The following DPH6 variants were observed in gnomAD, a reference collection of about 807,000 sequenced individuals.
DPH6 encodes diphthamine biosynthesis 6, also known as diphthine--ammonia ligase.
A neutral mutation model predicts 38.2 loss-of-function variants in DPH6; 33 were observed. The observed-to-expected ratio is 0.86, with a 90% CI of 0.65 to 1.15. The LOEUF is 1.15. Ranked by LOEUF, DPH6 falls within the 50% of genes most tolerant of loss-of-function variation. DPH6 has a pLI of 0.00. For synonymous variants in DPH6, 108 were observed against 103.0 expected, an observed-to-expected ratio of 1.05 and a Z score of -0.30; for missense variants, 325 against 320.0, an observed-to-expected ratio of 1.02 and a Z score of -0.12.
At chr15:35,247,128 T>C (rs952995692) in intron 3 of DPH6, among the ~76,000 whole-genome samples, 4 of 152,200 alleles carry the variant, frequency 2.6e-5, no homozygotes, top group Admixed American at 6.5e-5. Context: ...TCAAGGTAAA[T>C]TGAACCTCCT....
the DPH6 span, among the ~76,000 whole-genome samples, chr15:35,209,408 A>C: frequency 3.3e-5 from 5 of 152,300 alleles, no homozygotes; most frequent in South Asian, 1.0e-3. Context: ...ACTACTTTTG[A>C]TACCTGTGGG....
At chr15:35,532,380 T>C (rs1226512588) in intron 3 of DPH6, among the ~76,000 whole-genome samples, 40 of 152,274 alleles carry the variant, frequency 2.6e-4, no homozygotes, top group Non-Finnish European at 1.5e-5. Flanking sequence ...ATAGTACAGA[T>C]GAAAAACCAG....
Position 35,354,752 on chromosome 15 carries a change from T to G in DPH6, n.207+18769A>C, listed in dbSNP as rs551261705. 1.2e-4 allele frequency among the ~76,000 whole-genome samples: 19 copies of G among 152,184 alleles called. No homozygotes were observed. In the East Asian group the frequency reaches 2.1e-3, roughly 17 times the overall value. ...TTGGTCTAAAATTCTCTTTTTTTTG[T>G]TGTGTCTCTGCAGGCTTTGCTATCA... On this transcript the variant is annotated intron_variant and non_coding_transcript_variant, in intron 3 of 3. Transcript: ENST00000558973.
chr15:35,357,477 G>T (rs982336761), intron 3 of DPH6, among the ~76,000 whole-genome samples: 1 of 152,114 alleles, frequency 6.6e-6, no homozygotes, highest in South Asian at 2.1e-4. Flanking sequence ...TTGTTTATAG[G>T]TTCTGTGTGA....
At chr15:35,379,754 A>G (rs1210194188) in intron 7 of DPH6, among the ~76,000 whole-genome samples, 1 of 152,188 alleles carries the variant, frequency 6.6e-6, no homozygotes, top group East Asian at 1.9e-4. Context: ...AAATAAATAC[A>G]TAAAAGTATG....
intron 3 of DPH6, among the ~76,000 whole-genome samples, chr15:35,497,285 AAATT>A (rs1203929418): frequency 4.6e-5 from 7 of 152,210 alleles, no homozygotes; most frequent in African/African-American, 1.7e-4. Context: ...TTTGTTAAAT[AAATT>A]AATATGAGAA....
At chr15:35,186,467 C>T in the DPH6 span, among the ~76,000 whole-genome samples, 2,211 of 152,252 alleles carry the variant, frequency 0.015, 38 homozygotes, top group African/African-American at 0.044. Context: ...TAACTCATTT[C>T]CACATAAGTA....
intron 4 of DPH6, among the ~76,000 whole-genome samples, chr15:35,451,063 A>G (rs754309547): frequency 2.0e-5 from 3 of 152,180 alleles, no homozygotes; most frequent in Non-Finnish European, 4.4e-5. Flanking sequence ...TAGTTTAGAA[A>G]TCTATGTAAA....
chr15:35,187,211 A>G, the DPH6 span, among the ~76,000 whole-genome samples: 3 of 152,210 alleles, frequency 2.0e-5, no homozygotes, highest in Non-Finnish European at 4.4e-5. Flanking sequence ...ATCACATTGA[A>G]TCATCATGAC....
chr15:35,367,025 T>C (rs1286889158), downstream of DPH6, among the ~76,000 whole-genome samples: 23 of 151,824 alleles, frequency 1.5e-4, no homozygotes, highest in Admixed American at 1.5e-3. Context: ...ATGATATATC[T>C]CAAATAAAGC....
Position 35,218,125 on chromosome 15 carries a change from T to G in DPH6, n.2658A>C, listed in dbSNP as rs1365616181. 4.6e-5 allele frequency: 7 copies of G among 152,260 alleles called. No homozygotes were observed. In the East Asian group the frequency reaches 1.4e-3, roughly 29 times the overall value. The allele number at this position is 152,260 out of a possible 1,614,324, so 9.4% of individuals were successfully genotyped here. ...ACCCACAGATACAGAGGGCCAACTGTAGTCATTGGATCGATCTGCTCTTTA... is the reference window on the plus strand; with the variant it reads ...ACCCACAGATACAGAGGGCCAACTGGAGTCATTGGATCGATCTGCTCTTTA... On this transcript the variant is annotated non_coding_transcript_exon_variant, in exon 4 of 4. Coordinates refer to the DPH6 transcript ENST00000560386.
the DPH6 span, among the ~76,000 whole-genome samples, chr15:35,171,190 C>T: frequency 1.3e-5 from 2 of 152,210 alleles, no homozygotes; most frequent in African/African-American, 4.8e-5. Flanking sequence ...TTCTTCAAAG[C>T]AAAATGCTTC....
chr15:35,173,017 T>C, the DPH6 span, among the ~76,000 whole-genome samples: 1 of 152,246 alleles, frequency 6.6e-6, no homozygotes, highest in Non-Finnish European at 1.5e-5. Context: ...TGCAATTTGT[T>C]TTGAATGTAT....
At chr15:35,515,132 T>TA (rs202176366) in intron 3 of DPH6, among the ~76,000 whole-genome samples, 13,108 of 140,046 alleles carry the variant, frequency 0.094, 807 homozygotes, top group African/African-American at 0.19. Context: ...ACACTAAGGT[T>TA]AAAAAAAAAA....
the DPH6 span, among the ~76,000 whole-genome samples, chr15:35,182,938 A>G: frequency 6.6e-6 from 1 of 152,212 alleles, no homozygotes; most frequent in Non-Finnish European, 1.5e-5. Context: ...TTTGATAAAT[A>G]TAAAGCATAT....
intron 3 of DPH6, among the ~76,000 whole-genome samples, chr15:35,294,033 A>T (rs2051997914): frequency 6.6e-6 from 1 of 152,134 alleles, no homozygotes; most frequent in African/African-American, 2.4e-5. Flanking sequence ...TGTTTGCTCC[A>T]ACTTTGACTA....
At chr15:35,218,196 A>G (rs1306094639) in exon 4 of DPH6, 1 of 152,258 alleles carries the variant, frequency 6.6e-6, no homozygotes, top group Non-Finnish European at 1.5e-5. Context: ...CTGAACAAAA[A>G]TCCTCAGACA....
intron 3 of DPH6, among the ~76,000 whole-genome samples, chr15:35,332,110 T>C (rs2052330902): frequency 6.6e-6 from 1 of 152,302 alleles, no homozygotes; most frequent in South Asian, 2.1e-4. Context: ...GCTTCTAGGA[T>C]GGAAATTGAT....
At position 35,355,095 on chromosome 15, in the gene DPH6, C is replaced by G. The variant is rs186633784; in HGVS notation, n.207+18426G>C. Reference sequence around the variant, plus strand: ...GGTTTAAAGTCTGTTTTATCATAGACTAGGATTGCAACCCTTGCCTTTTTT... The same window carrying G: ...GGTTTAAAGTCTGTTTTATCATAGAGTAGGATTGCAACCCTTGCCTTTTTT... On this transcript the variant is annotated intron_variant and non_coding_transcript_variant, in intron 3 of 3. Transcript: ENST00000558973. Among the ~76,000 whole-genome samples the G allele has an allele frequency of 2.1e-4, 32 of 152,296 alleles. No individual in the cohort carries two copies. The South Asian group carries it at 3.7e-3, about 18-fold the overall frequency.
Sources: allele counts gnomAD v4.1 joint callset (sites outside exome capture counted in the v4.1 genomes callset), GRCh38; gene constraint gnomAD v4.1.1; transcripts MANE v1.5; gene names NCBI Gene and HGNC (gene_info 2026-07-23, HGNC 2026-07-21).